Variants in GLI4 observed in about 807,000 individuals in gnomAD.
GLI4 encodes the protein zinc finger protein GLI4.
In GLI4, 34 loss-of-function variants were observed where a neutral mutation model predicts 30.9. The observed-to-expected ratio is 1.10, with a 90% CI of 0.84 to 1.47. The LOEUF is 1.47. GLI4 is among the 40% of genes most tolerant of loss of function. The probability of loss-of-function intolerance (pLI) is 0.00; values close to 1 mark genes in which losing one functional copy is unlikely to be tolerated. For missense variants in GLI4, 696 were observed against 538.9 expected (o/e 1.29, Z -2.89); for synonymous variants, 277 against 236.7 (o/e 1.17, Z -1.56).
intron 2 of GLI4, among the ~76,000 whole-genome samples, chr8:143,270,807 G>T (rs1815251749): frequency 6.6e-6 from 1 of 152,194 alleles, no homozygotes; most frequent in Non-Finnish European, 1.5e-5. Context: ...TTCTCTAGGG[G>T]GACAGTTTCT....
rs77225080 is a variant in GLI4, at chr8:143,272,636, G to C, written c.125-2068G>C. On this transcript the variant is annotated intron_variant, in intron 2 of 3. Transcript: ENST00000340042. ...AGGGTCTGGGTGTGCACCCTGTGGA[G>C]ACCTGGCACAGCCTGGGCACAGCCA... 1.3e-3 allele frequency among the ~76,000 whole-genome samples: 204 copies of C among 152,334 alleles called. 4 individuals are homozygous for C. The East Asian group carries it at 0.033, about 25-fold the overall frequency.
intron 1 of GLI4, chr8:143,267,861 G>T (rs911387668): frequency 1.0e-6 from 1 of 985,444 alleles, no homozygotes; most frequent in Middle Eastern, 5.2e-4. Flanking sequence ...GGGCGGACGC[G>T]CTCTGTGCCG....
chr8:143,273,003 G>A (rs1354855939), intron 2 of GLI4: 1 of 152,248 alleles, frequency 6.6e-6, no homozygotes, highest in Non-Finnish European at 1.5e-5. Context: ...CCCTCTTAAA[G>A]TGACAGCCCG....
At chr8:143,271,418 C>A (rs1021291685) in intron 2 of GLI4, among the ~76,000 whole-genome samples, 2 of 152,226 alleles carry the variant, frequency 1.3e-5, no homozygotes, top group Non-Finnish European at 2.9e-5. Flanking sequence ...TCCCAACTTC[C>A]AGGCACTGGG....
chr8:143,274,859 TCA>T, intron 3 of GLI4, 57 bp downstream of exon 3: 1 of 1,516,240 alleles, frequency 6.6e-7, no homozygotes, highest in Non-Finnish European at 8.9e-7. Flanking sequence ...GCCAGGCTCC[TCA>T]CAATGCCCAC....
chr8:143,268,334 C>T (rs1280211472), intron 1 of GLI4, among the ~76,000 whole-genome samples: 1 of 152,230 alleles, frequency 6.6e-6, no homozygotes, highest in African/African-American at 2.4e-5. Context: ...CCGTTCCTTT[C>T]TTCACTCCCT....
At chr8:143,275,830 T>C (rs1815371886) in intron 3 of GLI4, 67 bp from the exon 4 acceptor site, 1 of 1,251,978 alleles carries the variant, frequency 8.0e-7, no homozygotes, top group South Asian at 3.4e-5. Context: ...TCACTCCCCG[T>C]CCCCGTCCCT....
At chr8:143,268,838 T>TTGCTGCTGCTGCTGCTGCTGC (rs201537418) in intron 1 of GLI4, among the ~76,000 whole-genome samples, 42 of 148,124 alleles carry the variant, frequency 2.8e-4, no homozygotes, top group African/African-American at 9.2e-4. Flanking sequence ...CGTTACTCCT[T>TTGCTGCTGCTGCTGCTGCTGC]TGCTGCTGCT....
intron 2 of GLI4, among the ~76,000 whole-genome samples, chr8:143,270,440 C>T (rs940733623): frequency 5.3e-5 from 8 of 152,218 alleles, no homozygotes; most frequent in Non-Finnish European, 8.8e-5. Flanking sequence ...CTGCCGTCTC[C>T]GCTGCGGTGT....
chr8:143,271,064 A>G (rs1025219914), intron 2 of GLI4, among the ~76,000 whole-genome samples: 8 of 152,186 alleles, frequency 5.3e-5, no homozygotes, highest in African/African-American at 1.9e-4. Context: ...CAGGCCTGGA[A>G]GCCTCCTGGG....
intron 1 of GLI4, 156 bp downstream of exon 1, chr8:143,267,640 G>A: frequency 2.0e-6 from 2 of 985,360 alleles, no homozygotes; most frequent in South Asian, 4.7e-5. Flanking sequence ...CCAAGCCCGG[G>A]GAGCGGGGTG....
At chr8:143,268,007 GGCGTCCAC>G in intron 1 of GLI4, 1 of 985,430 alleles carries the variant, frequency 1.0e-6, no homozygotes, top group Non-Finnish European at 1.2e-6. Context: ...GGGGTGAAGG[GGCGTCCAC>G]GCTGTGATGG....
intron 1 of GLI4, chr8:143,268,117 T>C (rs2129656838): frequency 1.0e-6 from 1 of 982,762 alleles, no homozygotes; most frequent in Admixed American, 6.1e-5. Flanking sequence ...ACTAAGTAAC[T>C]TGAGATGTGA....
intron 1 of GLI4, chr8:143,268,133 G>A (rs1815179555): frequency 4.1e-6 from 4 of 974,646 alleles, no homozygotes; most frequent in Non-Finnish European, 4.9e-6. Context: ...TGTGACTTCA[G>A]GGTGGAGGAC....
rs777319448 is a variant in GLI4 at position 143,276,449 on chromosome 8, G to A, written c.776G>A (p.Arg259His). 9 of 1,612,680 alleles carry A rather than the reference G, an allele frequency of 5.6e-6. No individual in the cohort carries two copies. The highest frequency in any genetic ancestry group is 1.7e-5 in the Admixed American group (1 of 59,994). The part of the protein sequence containing the change: ...SHSSHFTQHL[R>H]IHNGEKPYKC... Reference sequence around the variant, plus strand: ...AGCTCGCACTTCACGCAGCACCTGCGCATCCACAACGGCGAGAAGCCCTAC... The same window carrying A: ...AGCTCGCACTTCACGCAGCACCTGCACATCCACAACGGCGAGAAGCCCTAC... The change falls in exon 4 of 4, where the codon CGC (arginine) becomes CAC (histidine). Residue 259 changes from arginine (R) to histidine (H), a missense_variant. Coordinates refer to ENST00000340042, the MANE Select transcript of GLI4 (RefSeq NM_138465.4).
At chr8:143,269,723 C>A (rs150869412) in intron 2 of GLI4, among the ~76,000 whole-genome samples, 7 of 152,346 alleles carry the variant, frequency 4.6e-5, no homozygotes, top group Admixed American at 1.3e-4. Context: ...GTGGTTGAGG[C>A]TGGGGCCAAG....
Position 143,276,262 on chromosome 8 carries a change from C to A in GLI4, c.589C>A (p.Leu197Met). The A allele has an allele frequency of 6.2e-7, 1 of 1,611,948 alleles. No individual in the cohort carries two copies. Among genetic ancestry groups the A allele is most frequent in the Middle Eastern group, 1.7e-4 (1 of 6,060 alleles). The change falls in exon 4 of 4, where the codon CTG becomes ATG. Residue 197 changes from leucine to methionine, a missense_variant. By Grantham distance (15) the Leu-to-Met change is conservative. Coordinates refer to ENST00000340042, the MANE Select transcript of GLI4 (RefSeq NM_138465.4). ...ACGKSFKYNS[L>M]LLKHQRIHTG... is the part of the protein sequence containing the mutation. ...CGGCAAGAGTTTCAAGTATAACTCGCTGCTCCTGAAGCACCAGCGCATCCA... is the reference window on the plus strand; with the variant it reads ...CGGCAAGAGTTTCAAGTATAACTCGATGCTCCTGAAGCACCAGCGCATCCA...
rs1274985399 is a variant in GLI4, at chr8:143,272,788, T to A, written c.125-1916T>A. ...ACCTGACCCTAGGCCACCCCCATCC[T>A]CCCCTAGAGAAGGTCCTAGGAAGTG... On this transcript the variant is annotated intron_variant, in intron 2 of 3. Coordinates refer to ENST00000340042, the MANE Select transcript of GLI4 (RefSeq NM_138465.4). Among the ~76,000 whole-genome samples the A allele has an allele frequency of 3.3e-5, 5 of 152,180 alleles. No individual in the cohort carries two copies. In the East Asian group the frequency reaches 9.7e-4, roughly 29 times the overall value.
chr8:143,269,352 T>G lies in GLI4; in HGVS notation c.-37-8T>G. ...CCCCTCATCTGCCATGGTTTTCATT[T>G]TCCCCAGGTCCCAGGTGTGACACCT... On this transcript the variant is annotated splice_region_variant and splice_polypyrimidine_tract_variant and intron_variant, in intron 1 of 3. Coordinates refer to ENST00000340042, the MANE Select transcript of GLI4 (RefSeq NM_138465.4). The G allele has an allele frequency of 1.3e-6, 2 of 1,593,234 alleles. No individual in the cohort carries two copies. The highest frequency in any genetic ancestry group is 8.6e-7 in the Non-Finnish European group (1 of 1,167,198).
Sources: gnomAD v4.1 joint callset for allele counts (sites outside exome capture counted in the v4.1 genomes callset) on GRCh38, gnomAD v4.1.1 for gene constraint, MANE v1.5 for transcripts, NCBI Gene and HGNC (gene_info 2026-07-23, HGNC 2026-07-21) for gene names.